BARX2: variants seen among roughly 807,000 people sequenced by gnomAD.
The protein encoded by BARX2 is BARX homeobox 2, also known as homeobox protein BarH-like 2.
A neutral mutation model predicts 25.5 loss-of-function variants in BARX2; 11 were observed. The ratio of observed to expected loss-of-function variants is 0.43; its 90% CI spans 0.27 to 0.71. The LOEUF (loss-of-function observed/expected upper bound fraction) is 0.71, where lower values mean the gene tolerates loss of function less well. Among genes scored for constraint, BARX2 ranks in the 30% least tolerant of loss-of-function variants. The probability of loss-of-function intolerance (pLI) is 0.19; values close to 1 mark genes in which losing one functional copy is unlikely to be tolerated. For missense variants in BARX2, 360 were observed against 359.9 expected, an observed-to-expected ratio of 1.00 and a Z score of 0.00; for synonymous variants, 137 against 149.5, an observed-to-expected ratio of 0.92 and a Z score of 0.61.
At chr11:129,414,787 C>G (rs1861927809) in intron 1 of BARX2, among the ~76,000 whole-genome samples, 1 of 152,158 alleles carries the variant, frequency 6.6e-6, no homozygotes. Context: ...AAGATACTAC[C>G]TAAGCTAGGT....
chr11:129,400,793 C>T (rs1487077059), intron 1 of BARX2, among the ~76,000 whole-genome samples: 11 of 151,986 alleles, frequency 7.2e-5, no homozygotes, highest in African/African-American at 1.7e-4. Context: ...CGGTGGCAGG[C>T]GTGGGTCAAG....
intron 3 of BARX2, among the ~76,000 whole-genome samples, chr11:129,448,214 A>G (rs972598631): frequency 4.6e-5 from 7 of 152,218 alleles, no homozygotes; most frequent in African/African-American, 1.7e-4. Context: ...GTAAGTATCC[A>G]TGACCTCGGA....
At chr11:129,406,483 C>T (rs1215380617) in intron 1 of BARX2, among the ~76,000 whole-genome samples, 1 of 152,226 alleles carries the variant, frequency 6.6e-6, no homozygotes, top group African/African-American at 2.4e-5. Context: ...AGGCACAGTT[C>T]CAGCTTCTAA....
chr11:129,402,875 C>G (rs1861791909), intron 1 of BARX2, among the ~76,000 whole-genome samples: 1 of 152,182 alleles, frequency 6.6e-6, no homozygotes, highest in African/African-American at 2.4e-5. Context: ...TCCTTGTCCT[C>G]AAGGAGCTTA....
rs555338532 is a variant in BARX2 at position 129,419,827 on chromosome 11, C to T, written c.188-16924C>T. The stretch of plus-strand genomic sequence containing the variant: ...ATGGAGTCTCACTCTGTCGTCCAGG[C>T]TGGAGTGCAGTGGCACAATCTCGGC... On this transcript the variant is annotated intron_variant, in intron 1 of 3. Coordinates refer to ENST00000281437, the MANE Select transcript of BARX2 (RefSeq NM_003658.5). 1.5e-3 allele frequency among the ~76,000 whole-genome samples: 230 copies of T among 152,228 alleles called. 1 individual carries two copies. Among genetic ancestry groups the T allele is most frequent in the Middle Eastern group, 3.4e-3 (1 of 294 alleles).
chr11:129,388,229 A>T (rs1861633650), intron 1 of BARX2, among the ~76,000 whole-genome samples: 1 of 152,118 alleles, frequency 6.6e-6, no homozygotes, highest in African/African-American at 2.4e-5. Flanking sequence ...AATGTGTGCC[A>T]GTTCGTCTTT....
chr11:129,434,014 A>G (rs1331315544), intron 1 of BARX2, among the ~76,000 whole-genome samples: 2 of 152,178 alleles, frequency 1.3e-5, no homozygotes. Flanking sequence ...GCAAATGTGT[A>G]GATTCCTTTT....
intron 2 of BARX2, among the ~76,000 whole-genome samples, chr11:129,439,006 G>C (rs932514880): frequency 5.9e-4 from 90 of 152,340 alleles, no homozygotes; most frequent in African/African-American, 2.1e-3. Flanking sequence ...GACATCTCCA[G>C]CTTAAGGTGT....
chr11:129,391,517 C>T (rs1022789577), intron 1 of BARX2, among the ~76,000 whole-genome samples: 3 of 152,096 alleles, frequency 2.0e-5, no homozygotes, highest in African/African-American at 4.8e-5. Context: ...TCCTCAGTTA[C>T]GAAATAAGGT....
At chr11:129,417,436 C>T (rs1313278691) in intron 1 of BARX2, among the ~76,000 whole-genome samples, 1 of 152,184 alleles carries the variant, frequency 6.6e-6, no homozygotes, top group Non-Finnish European at 1.5e-5. Context: ...GATCAGGTGG[C>T]AGCTGGATGG....
chr11:129,423,858 T>TC (rs1228112750), intron 1 of BARX2, among the ~76,000 whole-genome samples: 1 of 150,002 alleles, frequency 6.7e-6, no homozygotes, highest in African/African-American at 2.5e-5. Flanking sequence ...TCTCTCTCTC[T>TC]CCTTTTTTTT....
At chr11:129,414,426 C>T (rs1352247103) in intron 1 of BARX2, among the ~76,000 whole-genome samples, 1 of 152,132 alleles carries the variant, frequency 6.6e-6, no homozygotes, top group Non-Finnish European at 1.5e-5. Flanking sequence ...TCTGGTAATA[C>T]TTCTCAGTAT....
At chr11:129,418,183 A>G (rs1861965043) in intron 1 of BARX2, among the ~76,000 whole-genome samples, 1 of 152,166 alleles carries the variant, frequency 6.6e-6, no homozygotes, top group African/African-American at 2.4e-5. Flanking sequence ...AGCACTATTG[A>G]TATCTATCTC....
In BARX2 at chr11:129,441,923, A is replaced by G. The variant is rs572700378; in HGVS notation, c.489-912A>G. On this transcript the variant is annotated intron_variant, in intron 2 of 3. Transcript: ENST00000281437. The stretch of plus-strand genomic sequence containing the variant: ...TAAGACAGCATGTCAGGGGCTTAGC[A>G]TGTACCCTGGGATGCCGTGGTGCTC... Among the ~76,000 whole-genome samples, 3 of 152,286 alleles carry G rather than the reference A, an allele frequency of 2.0e-5. No individual in the cohort carries two copies. In the East Asian group the frequency reaches 5.8e-4, roughly 29 times the overall value.
intron 1 of BARX2, among the ~76,000 whole-genome samples, chr11:129,435,220 A>G (rs1435243358): frequency 6.6e-6 from 1 of 151,974 alleles, no homozygotes. Flanking sequence ...TTTTTTTCTT[A>G]AAAAGAATCC....
chr11:129,425,196 C>G (rs146212407), intron 1 of BARX2, among the ~76,000 whole-genome samples: 38 of 152,226 alleles, frequency 2.5e-4, no homozygotes, highest in African/African-American at 8.7e-4. Flanking sequence ...AGTTAAGCAC[C>G]AGGAAGATGG....
chr11:129,426,259 A>G (rs1292564681), intron 1 of BARX2, among the ~76,000 whole-genome samples: 3 of 151,920 alleles, frequency 2.0e-5, no homozygotes, highest in Non-Finnish European at 4.4e-5. Context: ...GCGTATGGGG[A>G]CACGGTCATG....
intron 1 of BARX2, among the ~76,000 whole-genome samples, chr11:129,385,993 C>A (rs1402213704): frequency 5.3e-5 from 8 of 152,196 alleles, no homozygotes; most frequent in Non-Finnish European, 8.8e-5. Flanking sequence ...AACATATGTA[C>A]AACTCACACT....
chr11:129,417,575 T>C (rs1313776728), intron 1 of BARX2, among the ~76,000 whole-genome samples: 2 of 152,186 alleles, frequency 1.3e-5, no homozygotes, highest in African/African-American at 4.8e-5. Flanking sequence ...AAAATCCTCT[T>C]TTCTGTGCCA....
Sources: gnomAD v4.1 joint callset for allele counts (sites outside exome capture counted in the v4.1 genomes callset) on GRCh38, gnomAD v4.1.1 for gene constraint, MANE v1.5 for transcripts, NCBI Gene and HGNC (gene_info 2026-07-23, HGNC 2026-07-21) for gene names.